CAST: variants seen among roughly 807,000 people sequenced by gnomAD.
CAST encodes calpastatin, also known as MIR583 host.
CAST carries 76 observed loss-of-function variants against 119.6 expected under a neutral mutation model. The ratio of observed to expected loss-of-function variants is 0.64; its 90% CI spans 0.53 to 0.77. CAST has a LOEUF of 0.77. Ranked by LOEUF, CAST falls within the 30% of genes least tolerant of loss-of-function variation. CAST has a pLI of 0.00. For missense variants in CAST, 953 were observed against 946.5 expected (o/e 1.01, Z -0.09); for synonymous variants, 319 against 331.6 (o/e 0.96, Z 0.41).
chr5:96,704,762 A>G (rs1195082985), intron 3 of CAST, among the ~76,000 whole-genome samples: 2 of 152,194 alleles, frequency 1.3e-5, no homozygotes, highest in African/African-American at 4.8e-5. Flanking sequence ...TTTCTGATAC[A>G]TAGAATTAGC....
chr5:96,253,497 A>G, the CAST span, among the ~76,000 whole-genome samples: 1 of 152,168 alleles, frequency 6.6e-6, no homozygotes, highest in South Asian at 2.1e-4. Context: ...GTTGGAGAGC[A>G]AAGTAATCAA....
chr5:96,695,837 A>G lies in CAST; in HGVS notation c.140A>G (p.Lys47Arg), dbSNP rs751186352. The change falls in exon 3 of 32, where the codon AAA (lysine) becomes AGA (arginine). Residue 47 changes from lysine to arginine, a missense_variant and splice_region_variant. Physicochemically the swap from Lys to Arg is conservative, Grantham distance 26. Transcript: ENST00000675179. ...AAACTAATATTTTCTATTTTCAAGA[A>G]AAAAGCAGCAAGCCTCGGCAGCAGT... ...KPGEKKGSDE[K>R]KAASLGSSQS... 4 of 1,610,612 alleles carry G rather than the reference A, an allele frequency of 2.5e-6. No homozygotes were observed. In the South Asian group the frequency reaches 3.3e-5, roughly 13 times the overall value.
chr5:96,589,148 C>G (rs1289507466), intron 1 of CAST, among the ~76,000 whole-genome samples: 1 of 152,134 alleles, frequency 6.6e-6, no homozygotes, highest in African/African-American at 2.4e-5. Flanking sequence ...TAACAGATAT[C>G]TAAGTAATGT....
the CAST span, among the ~76,000 whole-genome samples, chr5:96,262,066 CT>C: frequency 6.6e-6 from 1 of 152,202 alleles, no homozygotes; most frequent in Admixed American, 6.5e-5. Flanking sequence ...AGGTTTGATT[CT>C]AAAGCCTGCA....
chr5:96,526,235 A>G (rs1745595643), upstream of CAST, among the ~76,000 whole-genome samples: 1 of 152,244 alleles, frequency 6.6e-6, no homozygotes, highest in Admixed American at 6.5e-5. Context: ...ATGAGACTCC[A>G]GGAAGCAGCC....
At chr5:96,625,785 T>C (rs1561434176) in intron 1 of CAST, among the ~76,000 whole-genome samples, 1 of 152,342 alleles carries the variant, frequency 6.6e-6, no homozygotes, top group East Asian at 1.9e-4. Flanking sequence ...ACTGCAGTTT[T>C]TGTGCTGAGG....
the CAST span, among the ~76,000 whole-genome samples, chr5:96,497,742 T>C: frequency 1.3e-5 from 2 of 152,342 alleles, no homozygotes; most frequent in African/African-American, 4.8e-5. Flanking sequence ...TTTGAGTTCA[T>C]TGTAGATTCT....
At chr5:96,072,679 G>GTT in the CAST span, among the ~76,000 whole-genome samples, 1 of 152,184 alleles carries the variant, frequency 6.6e-6, no homozygotes, top group Non-Finnish European at 1.5e-5. Context: ...TGCTACTTTT[G>GTT]TTGTGGGTGT....
chr5:96,490,133 C>T, the CAST span, among the ~76,000 whole-genome samples: 1 of 152,182 alleles, frequency 6.6e-6, no homozygotes, highest in African/African-American at 2.4e-5. Context: ...GTCAACACTC[C>T]CCTGCTTCTC....
At chr5:96,099,926 T>C in the CAST span, among the ~76,000 whole-genome samples, 46 of 152,294 alleles carry the variant, frequency 3.0e-4, no homozygotes, top group African/African-American at 1.0e-3. Flanking sequence ...TATGTATATC[T>C]GGTAGAATTC....
the CAST span, among the ~76,000 whole-genome samples, chr5:96,178,550 C>T: frequency 6.6e-6 from 1 of 152,032 alleles, no homozygotes; most frequent in Admixed American, 6.5e-5. Context: ...TTCTTTGTTC[C>T]ATGTTTTGCT....
the CAST span, among the ~76,000 whole-genome samples, chr5:96,314,471 G>T: frequency 4.6e-4 from 70 of 152,124 alleles, 1 homozygote; most frequent in Non-Finnish European, 1.2e-4. Flanking sequence ...GAGCAAATGG[G>T]GCTCCAGTGC....
intron 24 of CAST, 32 bp downstream of exon 24, chr5:96,757,686 A>ATT: frequency 5.2e-5 from 63 of 1,220,014 alleles, no homozygotes; most frequent in Non-Finnish European, 6.6e-5. Context: ...TTATTTCTTT[A>ATT]GTTTTTTTTT....
chr5:96,028,108 G>T, the CAST span, among the ~76,000 whole-genome samples: 1 of 151,878 alleles, frequency 6.6e-6, no homozygotes, highest in Admixed American at 6.6e-5. Context: ...TTTCAAATAG[G>T]AGATTTTACA....
chr5:96,603,565 T>A (rs754217492), intron 1 of CAST, among the ~76,000 whole-genome samples: 3 of 152,150 alleles, frequency 2.0e-5, no homozygotes, highest in Non-Finnish European at 4.4e-5. Context: ...CATCATCTCC[T>A]ATAATAGCAA....
chr5:96,453,742 T>C, the CAST span, among the ~76,000 whole-genome samples: 2 of 152,276 alleles, frequency 1.3e-5, no homozygotes, highest in Non-Finnish European at 2.9e-5. Flanking sequence ...ATAAAAAATG[T>C]TGATATATTG....
intron 21 of CAST, among the ~76,000 whole-genome samples, chr5:96,754,362 A>C (rs1765819902): frequency 6.6e-6 from 1 of 152,226 alleles, no homozygotes; most frequent in African/African-American, 2.4e-5. Flanking sequence ...GATGGTCGAC[A>C]TGCACAGACC....
At chr5:96,714,200 T>A (rs1466395475) in intron 3 of CAST, among the ~76,000 whole-genome samples, 1 of 152,222 alleles carries the variant, frequency 6.6e-6, no homozygotes, top group Non-Finnish European at 1.5e-5. Context: ...ATTAAATGAA[T>A]TTAAAAACCT....
At chr5:95,981,018 G>A in the CAST span, among the ~76,000 whole-genome samples, 1 of 152,128 alleles carries the variant, frequency 6.6e-6, no homozygotes, top group African/African-American at 2.4e-5. Flanking sequence ...TTTGAGGCTG[G>A]AGGTCAGCAA....
Sources: allele counts gnomAD v4.1 joint callset (sites outside exome capture counted in the v4.1 genomes callset), GRCh38; gene constraint gnomAD v4.1.1; transcripts MANE v1.5; gene names NCBI Gene and HGNC (gene_info 2026-07-23, HGNC 2026-07-21).